The following IFT140 variants were observed in gnomAD, a reference collection of about 807,000 sequenced individuals.
IFT140 encodes the protein intraflagellar transport 140.
A neutral mutation model predicts 164.6 loss-of-function variants in IFT140; 133 were observed. The ratio of observed to expected loss-of-function variants is 0.81; its 90% CI spans 0.70 to 0.93. The LOEUF (loss-of-function observed/expected upper bound fraction) is 0.93, where lower values mean the gene tolerates loss of function less well. Ranked by LOEUF, IFT140 falls within the 40% of genes least tolerant of loss-of-function variation. The probability of loss-of-function intolerance (pLI) is 0.00; values close to 1 mark genes in which losing one functional copy is unlikely to be tolerated. For synonymous variants in IFT140, 860 were observed against 817.3 expected (o/e 1.05, Z -0.89); for missense variants, 2,045 against 1,972.3 (o/e 1.04, Z -0.70).
Position 1,510,778 on chromosome 16 carries a change from C to T in IFT140, c.*166G>A, listed in dbSNP as rs1267497519. 2.9e-6 allele frequency: 2 copies of T among 679,168 alleles called. No homozygotes were observed. The highest frequency in any genetic ancestry group is 5.1e-6 in the Non-Finnish European group (2 of 388,854). The allele number at this position is 679,168 out of a possible 1,614,324, so 42.1% of individuals were successfully genotyped here. A position where few individuals can be genotyped will look rare whatever the true frequency, so the allele number is the denominator to read the frequency against. The stretch of plus-strand genomic sequence containing the variant: ...GGGACAGAGCAAGGTGCAGACGGGT[C>T]ACACCCTCCGCCGGCCCGGGCCGCT... On this transcript the variant is annotated 3_prime_UTR_variant, in exon 31 of 31. Transcript: ENST00000426508.
chr16:1,589,688 C>T lies in IFT140; in HGVS notation c.727G>A (p.Glu243Lys). The change falls in exon 7 of 31, where the codon GAG (glutamate) becomes AAG (lysine). Residue 243 changes from glutamate (E) to lysine (K), a missense_variant. Physicochemically the swap from Glu to Lys is moderately conservative, Grantham distance 56 (BLOSUM62 1). Transcript: ENST00000426508. ...IQMLFYMEKR[E>K]ALVVVTENLR... ...TTCTCTGTGACCACCACCAGTGCCTCCCTCTTCTCCATGTAGAACAGCATC... is the reference window on the plus strand; with the variant it reads ...TTCTCTGTGACCACCACCAGTGCCTTCCTCTTCTCCATGTAGAACAGCATC... 1 of 1,614,148 alleles carries T rather than the reference C, an allele frequency of 6.2e-7. No homozygotes were observed. Among genetic ancestry groups the T allele is most frequent in the Non-Finnish European group, 8.5e-7 (1 of 1,180,020 alleles).
intron 19 of IFT140, among the ~76,000 whole-genome samples, chr16:1,548,909 G>GTAAAACCTTCC (rs2032402792): frequency 1.3e-5 from 2 of 152,212 alleles, no homozygotes; most frequent in African/African-American, 4.8e-5. Flanking sequence ...ACTGCTGACA[G>GTAAAACCTTCC]GTGGAACACA....
chr16:1,554,556 G>A (rs2032936251), intron 19 of IFT140, among the ~76,000 whole-genome samples: 1 of 152,206 alleles, frequency 6.6e-6, no homozygotes, highest in South Asian at 2.1e-4. Context: ...AGCCACAGAA[G>A]GGCTAATACA....
chr16:1,552,020 C>A (rs182659874), intron 19 of IFT140, among the ~76,000 whole-genome samples: 1 of 152,286 alleles, frequency 6.6e-6, no homozygotes, highest in African/African-American at 2.4e-5. Context: ...CTGACCCCCA[C>A]GGCAACCGCA....
In IFT140 at chr16:1,524,773, G is replaced by A. The variant is rs551125772; in HGVS notation, c.2997+11C>T. 15 of 1,600,660 alleles carry A rather than the reference G, an allele frequency of 9.4e-6. No individual in the cohort carries two copies. The highest frequency in any genetic ancestry group is 1.7e-4 in the Middle Eastern group (1 of 6,030). Reference sequence around the variant, plus strand: ...GTGTCCGCCTGGCCGGCTCCCCTGCGGGGACCTTACCTTCTGGACATTGCC... The same window carrying A: ...GTGTCCGCCTGGCCGGCTCCCCTGCAGGGACCTTACCTTCTGGACATTGCC... On this transcript the variant is annotated intron_variant, in intron 23 of 30. Coordinates refer to ENST00000426508, the MANE Select transcript of IFT140 (RefSeq NM_014714.4).
Position 1,533,059 on chromosome 16 carries a change from T to A in IFT140, c.2400-6263A>T, listed in dbSNP as rs4787284. The A allele has an allele frequency of 0.031, 4,683 of 152,358 alleles. 117 individuals carry two copies. Among genetic ancestry groups the A allele is most frequent in the Admixed American group, 0.069 (1,051 of 15,282 alleles). 9.4% of individuals were successfully genotyped at this position (152,358 alleles called of 1,614,324 possible). A position where few individuals can be genotyped will look rare whatever the true frequency, so the allele number is the denominator to read the frequency against. ...TGACCTGGCCTCGAGGTCCTCCAAG[T>A]ACAGGTCCCTGGCCCCGAGGTCCTC... On this transcript the variant is annotated intron_variant, in intron 19 of 30. Transcript: ENST00000426508. This position sits in a 1 kb window ranked among gnomAD's most constrained non-coding sequence, Gnocchi z 4.7.
At chr16:1,550,272 G>A (rs1486331847) in intron 19 of IFT140, among the ~76,000 whole-genome samples, 3 of 152,314 alleles carry the variant, frequency 2.0e-5, no homozygotes, top group African/African-American at 4.8e-5. Flanking sequence ...CAGTGTTCTT[G>A]GAAGCAGACA....
chr16:1,576,912 C>T (rs1359204605), intron 13 of IFT140: 1 of 152,316 alleles, frequency 6.6e-6, no homozygotes, highest in East Asian at 1.9e-4. Flanking sequence ...CTCCTGTTGC[C>T]ACTGTGCTCA....
intron 18 of IFT140, among the ~76,000 whole-genome samples, chr16:1,558,424 G>C (rs1004552589): frequency 6.6e-6 from 1 of 152,212 alleles, no homozygotes; most frequent in African/African-American, 2.4e-5. Context: ...CATGATTTCA[G>C]GTAGAATTTT....
rs570715949 is a variant in IFT140, at chr16:1,605,562, C to T, written c.147+1558G>A. Among the ~76,000 whole-genome samples, 252 of 152,128 alleles carry T rather than the reference C, an allele frequency of 1.7e-3. 2 individuals are homozygous for T. The highest frequency in any genetic ancestry group is 3.5e-3 in the South Asian group (17 of 4,818). On this transcript the variant is annotated intron_variant, in intron 3 of 30. Transcript: ENST00000426508. ...CTGGGACTACAGGTGCCCGCCACCACGCCCGGCTAATTCTTGTATTTTTAG... is the reference window on the plus strand; with the variant it reads ...CTGGGACTACAGGTGCCCGCCACCATGCCCGGCTAATTCTTGTATTTTTAG...
At chr16:1,569,261 G>A (rs139131520) in intron 14 of IFT140, among the ~76,000 whole-genome samples, 11 of 152,310 alleles carry the variant, frequency 7.2e-5, no homozygotes, top group African/African-American at 2.6e-4. Flanking sequence ...GCCCGCCTCA[G>A]CCTCCCAAAG....
chr16:1,583,323 G>GTT lies in IFT140; in HGVS notation c.1422_1423insAA (p.Arg475AsnfsTer14), dbSNP rs2141800223. The GTT allele has an allele frequency of 1.5e-5, 24 of 1,614,024 alleles. No homozygotes were observed. Among genetic ancestry groups the GTT allele is most frequent in the Non-Finnish European group, 1.9e-5 (23 of 1,179,906 alleles). On this transcript the variant is annotated frameshift_variant, in exon 12 of 31. Coordinates refer to ENST00000426508, the MANE Select transcript of IFT140 (RefSeq NM_014714.4). LOFTEE classifies it high-confidence loss of function. ...GGTGAAAAGAACCCACCTGCACTCC[G>GTT]TATCGCGGCTCCAGAAAGCTCGAAG... is the stretch of plus-strand genomic sequence containing the variant.
chr16:1,512,194 ATAGG>A (rs1227889077), intron 30 of IFT140, among the ~76,000 whole-genome samples: 1 of 31,892 alleles, frequency 3.1e-5, no homozygotes, highest in African/African-American at 1.0e-4. Flanking sequence ...GACAGGCGGC[ATAGG>A]TGGGTGGGGG....
chr16:1,544,184 ATTTT>A (rs1237730678), intron 19 of IFT140, among the ~76,000 whole-genome samples: 1 of 115,150 alleles, frequency 8.7e-6, no homozygotes, highest in Non-Finnish European at 1.8e-5. Flanking sequence ...CGCCCCACTA[ATTTT>A]TTTTTTTTTT....
intron 14 of IFT140, among the ~76,000 whole-genome samples, chr16:1,570,608 T>G (rs1265810004): frequency 6.6e-6 from 1 of 152,178 alleles, no homozygotes; most frequent in Non-Finnish European, 1.5e-5. Context: ...TCCTTCGGCC[T>G]AAGTGCTCGC....
intron 26 of IFT140, among the ~76,000 whole-genome samples, chr16:1,521,508 C>T (rs1279219651): frequency 1.3e-5 from 2 of 152,136 alleles, no homozygotes; most frequent in Non-Finnish European, 2.9e-5. Flanking sequence ...CCTGCCTCAG[C>T]CTACCAAGTA....
At chr16:1,561,873 G>A (rs1046248377) in intron 18 of IFT140, 112 bp downstream of exon 18, 14 of 1,138,020 alleles carry the variant, frequency 1.2e-5, no homozygotes, top group Admixed American at 5.4e-5. Context: ...AGGGAAGCCC[G>A]GCAGAGCCAC....
At position 1,562,065 on chromosome 16, in the gene IFT140, G is replaced by C. The variant is rs141172132; in HGVS notation, c.2119C>G (p.Leu707Val). 1.2e-6 allele frequency: 2 copies of C among 1,612,216 alleles called. No individual in the cohort carries two copies. The highest frequency in any genetic ancestry group is 1.7e-6 in the Non-Finnish European group (2 of 1,179,160). Residue 707 changes from leucine (L) to valine (V), a missense_variant, in exon 18 of 31, where the codon CTT becomes GTT. By Grantham distance (32) the Leu-to-Val change is conservative. Coordinates refer to ENST00000426508, the MANE Select transcript of IFT140 (RefSeq NM_014714.4). ...GCAGGCCGGGGGAAGCTCTCATGAAGCAGGAAGCCGTGCTCTTCGGAAATG... is the reference window on the plus strand; with the variant it reads ...GCAGGCCGGGGGAAGCTCTCATGAACCAGGAAGCCGTGCTCTTCGGAAATG... ...FFISEEHGFLLHESFPRPATS... is the reference protein window; with the variant it reads ...FFISEEHGFLVHESFPRPATS...
chr16:1,598,307 A>C (rs937165048), intron 4 of IFT140, among the ~76,000 whole-genome samples: 2 of 152,094 alleles, frequency 1.3e-5, no homozygotes, highest in African/African-American at 4.8e-5. Flanking sequence ...AAATACAAAA[A>C]ATTAGCCAGG....
Sources: allele counts gnomAD v4.1 joint callset (sites outside exome capture counted in the v4.1 genomes callset), GRCh38; gene constraint gnomAD v4.1.1; non-coding constraint Gnocchi (gnomAD v3.1); transcripts MANE v1.5; gene names NCBI Gene and HGNC (gene_info 2026-07-23, HGNC 2026-07-21).